Variants in WWOX observed in about 807,000 individuals in gnomAD.
The protein encoded by WWOX is WW domain containing oxidoreductase.
Under a neutral mutation model 46.2 loss-of-function variants are expected in WWOX, and 69 were observed. The ratio of observed to expected loss-of-function variants is 1.49; its 90% CI spans 1.23 to 1.82. The LOEUF is 1.82. Ranked by LOEUF, WWOX falls within the 40% of genes most tolerant of loss-of-function variation. The probability of loss-of-function intolerance (pLI) is 0.00; values close to 1 mark genes in which losing one functional copy is unlikely to be tolerated. For synonymous variants in WWOX, 359 were observed against 202.6 expected (o/e 1.77, Z -6.56); for missense variants, 919 against 542.6 (o/e 1.69, Z -6.89).
chr16:78,818,987 C>T (rs957087178), intron 8 of WWOX, among the ~76,000 whole-genome samples: 4 of 152,146 alleles, frequency 2.6e-5, no homozygotes, highest in East Asian at 3.9e-4. Flanking sequence ...CTCTCTAATC[C>T]TCATTGTGCT....
chr16:78,872,666 T>C (rs912901706), intron 8 of WWOX: 2 of 152,346 alleles, frequency 1.3e-5, no homozygotes, highest in East Asian at 1.9e-4. Flanking sequence ...TTGCAGCCAG[T>C]GCTCAAAACC....
rs543516420 is a variant in WWOX at position 78,135,018 on chromosome 16, C to T, written c.409+19864C>T. The stretch of plus-strand genomic sequence containing the variant: ...AGCAATGCACAGATAGAAAGGGTGT[C>T]ACCTGCGCATTGAAAAATCCCAGTG... On this transcript the variant is annotated intron_variant, in intron 4 of 8. Coordinates refer to ENST00000566780, the MANE Select transcript of WWOX (RefSeq NM_016373.4). Among the ~76,000 whole-genome samples the T allele has an allele frequency of 9.2e-5, 14 of 152,312 alleles. No homozygotes were observed. The South Asian group carries it at 2.7e-3, about 29-fold the overall frequency.
At chr16:78,988,112 G>C (rs1378444264) in intron 8 of WWOX, among the ~76,000 whole-genome samples, 1 of 152,098 alleles carries the variant, frequency 6.6e-6, no homozygotes, top group Non-Finnish European at 1.5e-5. Context: ...GGAGGCCGAG[G>C]CTGGTGGATC....
At position 78,866,035 on chromosome 16, in the gene WWOX, G is replaced by C. The variant is rs140376097; in HGVS notation, c.1057-345573G>C. Among the ~76,000 whole-genome samples, 58 of 152,324 alleles carry C rather than the reference G, an allele frequency of 3.8e-4. 1 individual carries two copies. Among genetic ancestry groups the C allele is most frequent in the Middle Eastern group, 6.8e-3 (2 of 294 alleles). The stretch of plus-strand genomic sequence containing the variant: ...GTTACAGCATTCACAGCATCCGTGA[G>C]TCATAGACTCACTGCATTGCTCCAA... On this transcript the variant is annotated intron_variant, in intron 8 of 8. Coordinates refer to ENST00000566780, the MANE Select transcript of WWOX (RefSeq NM_016373.4).
chr16:78,821,606 A>G (rs546758462), intron 8 of WWOX, among the ~76,000 whole-genome samples: 8 of 152,102 alleles, frequency 5.3e-5, no homozygotes, highest in Non-Finnish European at 1.2e-4. Context: ...ATACCCATAT[A>G]TGTGTCAATG....
At chr16:78,383,095 A>C (rs1193744015) in intron 5 of WWOX, among the ~76,000 whole-genome samples, 1 of 150,826 alleles carries the variant, frequency 6.6e-6, no homozygotes, top group Non-Finnish European at 1.5e-5. Flanking sequence ...GGGGGATGGC[A>C]CTAAGCTGTT....
intron 8 of WWOX, among the ~76,000 whole-genome samples, chr16:78,472,808 T>TAA (rs2084256057): frequency 3.3e-5 from 1 of 30,608 alleles, no homozygotes; most frequent in African/African-American, 2.3e-4. Context: ...AAACTCCATC[T>TAA]CAAAAAAAAA....
At chr16:78,875,768 C>T (rs999927985) in intron 8 of WWOX, among the ~76,000 whole-genome samples, 1 of 152,092 alleles carries the variant, frequency 6.6e-6, no homozygotes, top group East Asian at 1.9e-4. Context: ...TCAGTGTAGG[C>T]TCTGCATGTC....
At chr16:78,781,833 C>T (rs896155723) in intron 8 of WWOX, among the ~76,000 whole-genome samples, 10 of 152,118 alleles carry the variant, frequency 6.6e-5, no homozygotes, top group African/African-American at 2.2e-4. Flanking sequence ...GTAATGATGA[C>T]GATGATGGTA....
At chr16:78,799,589 C>T (rs558694540) in intron 8 of WWOX, among the ~76,000 whole-genome samples, 1 of 147,142 alleles carries the variant, frequency 6.8e-6, no homozygotes, top group South Asian at 2.2e-4. Context: ...CTGTCAGAAG[C>T]CGAGGGACTT....
intron 8 of WWOX, among the ~76,000 whole-genome samples, chr16:78,830,398 T>C (rs6420409): frequency 0.83 from 125,493 of 151,890 alleles, 52,033 homozygotes; most frequent in African/African-American, 0.86. Flanking sequence ...CTGGGGGTTT[T>C]TCTCACTGGT....
At chr16:78,865,056 C>T (rs1184773749) in intron 8 of WWOX, among the ~76,000 whole-genome samples, 2 of 152,012 alleles carry the variant, frequency 1.3e-5, no homozygotes, top group African/African-American at 4.8e-5. Context: ...AGCCACCGCG[C>T]CTGGCTTTCA....
At chr16:78,795,215 T>A (rs2050705704) in intron 8 of WWOX, among the ~76,000 whole-genome samples, 1 of 152,186 alleles carries the variant, frequency 6.6e-6, no homozygotes. Context: ...GGGCATTATG[T>A]TATTCACACT....
intron 8 of WWOX, among the ~76,000 whole-genome samples, chr16:78,510,089 GTCTGTCTGTCTC>G (rs1034556492): frequency 2.0e-5 from 3 of 151,998 alleles, no homozygotes; most frequent in East Asian, 3.9e-4. Context: ...CTGTCTGTCT[GTCTGTCTGTCTC>G]TCTCGGAAAT....
intron 4 of WWOX, among the ~76,000 whole-genome samples, chr16:78,146,726 T>A (rs2034211353): frequency 6.6e-6 from 1 of 152,198 alleles, no homozygotes; most frequent in African/African-American, 2.4e-5. Flanking sequence ...GATGGAGAAT[T>A]TCTTTTACCA....
intron 8 of WWOX, among the ~76,000 whole-genome samples, chr16:78,771,006 A>G (rs1030362268): frequency 6.6e-6 from 1 of 152,200 alleles, no homozygotes; most frequent in Non-Finnish European, 1.5e-5. Context: ...GAAGGAAGGG[A>G]TTGCTGGAGG....
chr16:78,808,169 A>G (rs947011989), intron 8 of WWOX, among the ~76,000 whole-genome samples: 4 of 152,012 alleles, frequency 2.6e-5, no homozygotes, highest in African/African-American at 9.7e-5. Context: ...ATGTTATTCC[A>G]CCTCAAGATC....
intron 8 of WWOX, among the ~76,000 whole-genome samples, chr16:78,517,230 C>A (rs1282162873): frequency 6.6e-6 from 1 of 152,122 alleles, no homozygotes; most frequent in Non-Finnish European, 1.5e-5. Flanking sequence ...TATTAAGTTA[C>A]CTTTTCCTGA....
intron 8 of WWOX, among the ~76,000 whole-genome samples, chr16:78,987,139 C>T (rs916935025): frequency 2.0e-5 from 3 of 152,172 alleles, no homozygotes; most frequent in Admixed American, 2.0e-4. Flanking sequence ...CAATATTTCT[C>T]ATTTGTAATT....
Sources: gnomAD v4.1 joint callset for allele counts (sites outside exome capture counted in the v4.1 genomes callset) on GRCh38, gnomAD v4.1.1 for gene constraint, MANE v1.5 for transcripts, NCBI Gene and HGNC (gene_info 2026-07-23, HGNC 2026-07-21) for gene names.